The following TENM2 variants were observed in gnomAD, a reference collection of about 807,000 sequenced individuals.
TENM2 encodes teneurin transmembrane protein 2, also known as teneurin-2.
Under a neutral mutation model 245.2 loss-of-function variants are expected in TENM2, and 52 were observed. The ratio of observed to expected loss-of-function variants is 0.21; its 90% CI spans 0.17 to 0.27. The LOEUF (loss-of-function observed/expected upper bound fraction) is 0.27, where lower values mean the gene tolerates loss of function less well. TENM2 is among the 10% of genes least tolerant of loss of function. The pLI, the probability that TENM2 is intolerant of heterozygous loss-of-function variation, is 1.00. For missense variants in TENM2, 3,046 were observed against 3,666.8 expected, an observed-to-expected ratio of 0.83 and a Z score of 4.37; for synonymous variants, 1,363 against 1,438.9, an observed-to-expected ratio of 0.95 and a Z score of 1.19.
chr5:167,777,636 C>T (rs971492773), intron 2 of TENM2, among the ~76,000 whole-genome samples: 1 of 152,130 alleles, frequency 6.6e-6, no homozygotes, highest in Non-Finnish European at 1.5e-5. Flanking sequence ...ATAGAGATAA[C>T]AGTAACAGTG....
chr5:167,043,401 A>C, the TENM2 span, among the ~76,000 whole-genome samples: 1 of 152,194 alleles, frequency 6.6e-6, no homozygotes, highest in Non-Finnish European at 1.5e-5. Context: ...AAAGACCAAA[A>C]ACTGTTTCAA....
intron 1 of TENM2, among the ~76,000 whole-genome samples, chr5:167,292,488 A>G (rs918858731): frequency 6.6e-6 from 1 of 152,174 alleles, no homozygotes; most frequent in East Asian, 1.9e-4. Context: ...GCAGCTTCCA[A>G]TATTTCAACA....
intron 1 of TENM2, among the ~76,000 whole-genome samples, chr5:167,340,619 A>G (rs568608884): frequency 1.3e-4 from 20 of 152,318 alleles, no homozygotes; most frequent in African/African-American, 4.3e-4. Context: ...CCGCTCTCCA[A>G]TATACTAGCA....
At chr5:168,141,649 T>A (rs897211686) in intron 12 of TENM2, among the ~76,000 whole-genome samples, 1 of 152,220 alleles carries the variant, frequency 6.6e-6, no homozygotes, top group East Asian at 1.9e-4. Context: ...TCCCAGTAGA[T>A]CAAAATCAAT....
intron 7 of TENM2, among the ~76,000 whole-genome samples, chr5:168,067,072 A>G (rs1790570307): frequency 6.6e-6 from 1 of 152,234 alleles, no homozygotes; most frequent in South Asian, 2.1e-4. Flanking sequence ...GGAGACAACA[A>G]GATGCAGTTA....
At position 167,507,599 on chromosome 5, in the gene TENM2, C is replaced by T. The variant is rs10057539; in HGVS notation, c.502+132126C>T. On this transcript the variant is annotated intron_variant, in intron 2 of 28. Coordinates refer to ENST00000518659, the Ensembl canonical transcript of TENM2. The stretch of plus-strand genomic sequence containing the variant: ...CTGGTCTGGGCCAAGTGACATCATG[C>T]AAATGGTGGCACTAGTGTCATGAGT... Among the ~76,000 whole-genome samples, 6 of 152,118 alleles carry T rather than the reference C, an allele frequency of 3.9e-5. 1 individual carries two copies. Among genetic ancestry groups the T allele is most frequent in the Admixed American group, 3.9e-4 (6 of 15,254 alleles).
intron 10 of TENM2, among the ~76,000 whole-genome samples, chr5:168,119,606 G>A (rs1463454974): frequency 2.0e-5 from 3 of 152,104 alleles, no homozygotes; most frequent in African/African-American, 7.2e-5. Flanking sequence ...TGGTAGGAAG[G>A]TAAGACCATA....
chr5:167,823,282 T>C (rs577764009), intron 2 of TENM2, among the ~76,000 whole-genome samples: 27 of 152,264 alleles, frequency 1.8e-4, no homozygotes, highest in African/African-American at 6.3e-4. Context: ...CTCTTTTCCA[T>C]GAAAAACAAA....
intron 9 of TENM2, among the ~76,000 whole-genome samples, chr5:168,111,956 G>A (rs546522485): frequency 7.6e-4 from 115 of 152,126 alleles, no homozygotes; most frequent in Middle Eastern, 3.4e-3. Flanking sequence ...AGTTCTTTGC[G>A]TATTTCAGAT....
intron 9 of TENM2, among the ~76,000 whole-genome samples, chr5:168,116,732 A>G (rs1795110318): frequency 6.6e-6 from 1 of 152,218 alleles, no homozygotes; most frequent in Middle Eastern, 3.2e-3. Context: ...AATTACCATA[A>G]AAACTACATA....
intron 2 of TENM2, among the ~76,000 whole-genome samples, chr5:167,697,335 T>TTC (rs1757831036): frequency 6.6e-6 from 1 of 152,354 alleles, no homozygotes; most frequent in Non-Finnish European, 1.5e-5. Context: ...CCTTTCATTC[T>TTC]ATATTTCACT....
At chr5:168,152,159 T>C (rs1756709713) in intron 12 of TENM2, among the ~76,000 whole-genome samples, 1 of 152,224 alleles carries the variant, frequency 6.6e-6, no homozygotes, top group Non-Finnish European at 1.5e-5. Flanking sequence ...TTGCGACAAT[T>C]AAATGAGCTA....
At chr5:167,666,975 G>A (rs186863524) in intron 2 of TENM2, among the ~76,000 whole-genome samples, 5 of 152,222 alleles carry the variant, frequency 3.3e-5, no homozygotes, top group African/African-American at 1.2e-4. Context: ...ATATAACTAG[G>A]ACAATCCTAG....
chr5:167,495,668 A>G (rs967883895), intron 2 of TENM2, among the ~76,000 whole-genome samples: 3 of 151,882 alleles, frequency 2.0e-5, no homozygotes. Flanking sequence ...TCTTGTGTGG[A>G]TTTTTTTAGA....
intron 1 of TENM2, chr5:167,297,637 G>C (rs187960219): frequency 2.0e-5 from 3 of 152,138 alleles, no homozygotes; most frequent in Non-Finnish European, 4.4e-5. Context: ...GGTTTCATGC[G>C]CATCCATGTG....
chr5:167,334,616 T>G (rs1463463400), intron 1 of TENM2, among the ~76,000 whole-genome samples: 1 of 152,224 alleles, frequency 6.6e-6, no homozygotes, highest in African/African-American at 2.4e-5. Context: ...TTTTCCTTCC[T>G]TTTTTCTTTT....
At chr5:167,889,923 C>T (rs1774612638) in intron 3 of TENM2, among the ~76,000 whole-genome samples, 1 of 152,130 alleles carries the variant, frequency 6.6e-6, no homozygotes, top group South Asian at 2.1e-4. Context: ...ACTAGGCAGA[C>T]TTGGCCTTTT....
At chr5:167,078,320 C>A in the TENM2 span, among the ~76,000 whole-genome samples, 1 of 152,000 alleles carries the variant, frequency 6.6e-6, no homozygotes, top group Non-Finnish European at 1.5e-5. Flanking sequence ...CCTGTCTCTA[C>A]TAAAAATACA....
intron 2 of TENM2, among the ~76,000 whole-genome samples, chr5:167,671,180 C>T (rs538543455): frequency 8.6e-5 from 13 of 152,018 alleles, no homozygotes; most frequent in Non-Finnish European, 1.5e-4. Flanking sequence ...CCCATAGTTC[C>T]GTAGCAGTGC....
Sources: allele counts gnomAD v4.1 joint callset (sites outside exome capture counted in the v4.1 genomes callset), GRCh38; gene constraint gnomAD v4.1.1; transcripts MANE v1.5; gene names NCBI Gene and HGNC (gene_info 2026-07-23, HGNC 2026-07-21).